UNC5D: variants seen among roughly 807,000 people sequenced by gnomAD.
The protein encoded by UNC5D is netrin receptor UNC5D.
Under a neutral mutation model 105.4 loss-of-function variants are expected in UNC5D, and 39 were observed. The observed-to-expected ratio is 0.37, with a 90% CI of 0.29 to 0.48. The LOEUF is 0.48. Ranked by LOEUF, UNC5D falls within the 20% of genes least tolerant of loss-of-function variation. The probability of loss-of-function intolerance (pLI) is 0.98; values close to 1 mark genes in which losing one functional copy is unlikely to be tolerated. For missense variants in UNC5D, 991 were observed against 1,202.4 expected (o/e 0.82, Z 2.60); for synonymous variants, 452 against 450.4 (o/e 1.00, Z -0.04).
chr8:35,726,500 TA>T lies in UNC5D; in HGVS notation c.1653del (p.Arg554AlafsTer2). On this transcript the variant is annotated frameshift_variant, in exon 10 of 17. Coordinates refer to ENST00000404895, the MANE Select transcript of UNC5D (RefSeq NM_080872.4). LOFTEE classifies it high-confidence loss of function. ...ELRTTGVFGH[L>X]GGRLVMPNTG... ...AGGACAACTGGTGTCTTTGGCCATT[TA>T]GGGGGGCGCTTAGTAATGCCAAATA... The T allele has an allele frequency of 6.2e-7, 1 of 1,613,564 alleles. No homozygotes were observed. Among genetic ancestry groups the T allele is most frequent in the Non-Finnish European group, 8.5e-7 (1 of 1,180,002 alleles).
At chr8:35,447,772 A>C (rs1021583991) in intron 1 of UNC5D, among the ~76,000 whole-genome samples, 32 of 152,068 alleles carry the variant, frequency 2.1e-4, no homozygotes, top group Non-Finnish European at 3.4e-4. Context: ...TTTATTATTC[A>C]TCCTCTACCC....
chr8:35,581,385 T>C (rs1308468127), intron 3 of UNC5D, among the ~76,000 whole-genome samples: 3 of 152,150 alleles, frequency 2.0e-5, no homozygotes, highest in Non-Finnish European at 4.4e-5. Flanking sequence ...ACACATCCAC[T>C]TGGATATCCA....
Position 35,794,902 on chromosome 8 carries a change from G to A in UNC5D, c.*4339G>A, listed in dbSNP as rs1193873502. On this transcript the variant is annotated 3_prime_UTR_variant, in exon 17 of 17. Coordinates refer to ENST00000404895, the MANE Select transcript of UNC5D (RefSeq NM_080872.4). ...GGATGGAAATCAGACCTGGCCGTTA[G>A]TCACTAGTGTGTAGTACCGTGATCT... The A allele has an allele frequency of 6.6e-6, 1 of 152,224 alleles. No homozygotes were observed. The highest frequency in any genetic ancestry group is 2.4e-5 in the African/African-American group (1 of 41,452). 9.4% of individuals were successfully genotyped at this position (152,224 alleles called of 1,614,324 possible).
At chr8:35,368,463 G>A (rs889139119) in intron 1 of UNC5D, among the ~76,000 whole-genome samples, 1 of 151,936 alleles carries the variant, frequency 6.6e-6, no homozygotes, top group African/African-American at 2.4e-5. Flanking sequence ...CCTGCTAAAA[G>A]CAAAGACATT....
intron 1 of UNC5D, among the ~76,000 whole-genome samples, chr8:35,296,887 A>G (rs746042049): frequency 6.6e-5 from 10 of 152,230 alleles, no homozygotes; most frequent in Non-Finnish European, 8.8e-5. Flanking sequence ...TTTATCCTAC[A>G]TTCTAAGGGC....
intron 1 of UNC5D, among the ~76,000 whole-genome samples, chr8:35,380,086 G>GT (rs1554519165): frequency 3.0e-4 from 15 of 50,046 alleles, no homozygotes; most frequent in Middle Eastern, 6.4e-3. Context: ...ATAATTGGGG[G>GT]TGGGGGGGGG....
At chr8:35,375,366 G>A (rs995122283) in intron 1 of UNC5D, among the ~76,000 whole-genome samples, 5 of 152,296 alleles carry the variant, frequency 3.3e-5, no homozygotes, top group Admixed American at 1.3e-4. Flanking sequence ...ATACTTACAG[G>A]TGCTGGGGAA....
intron 1 of UNC5D, among the ~76,000 whole-genome samples, chr8:35,284,894 C>T (rs1179420973): frequency 3.3e-5 from 5 of 152,120 alleles, no homozygotes; most frequent in Non-Finnish European, 5.9e-5. Context: ...CAAAATATTT[C>T]TCTCTCTGAG....
At chr8:35,275,117 A>G (rs1805684955) in intron 1 of UNC5D, among the ~76,000 whole-genome samples, 1 of 149,712 alleles carries the variant, frequency 6.7e-6, no homozygotes, top group South Asian at 2.1e-4. Flanking sequence ...ACAACAACAA[A>G]ATATATATTT....
chr8:35,595,737 G>GA, intron 4 of UNC5D, 80 bp downstream of exon 4: 1 of 1,304,750 alleles, frequency 7.7e-7, no homozygotes, highest in Non-Finnish European at 1.1e-6. Flanking sequence ...TGTGTGGCTG[G>GA]AAGGGAAGTA....
intron 1 of UNC5D, among the ~76,000 whole-genome samples, chr8:35,236,439 C>T (rs1237686451): frequency 3.8e-3 from 1 of 264 alleles, no homozygotes; most frequent in East Asian, 0.25. Context: ...TCCCAGCCAG[C>T]CCTGGAGCTC....
In UNC5D at chr8:35,774,388, C is replaced by T. The variant is rs768280429; in HGVS notation, c.2568C>T (p.Ser856=). 6.2e-7 allele frequency: 1 copy of T among 1,614,100 alleles called. No homozygotes were observed. Among genetic ancestry groups the T allele is most frequent in the Non-Finnish European group, 8.5e-7 (1 of 1,180,006 alleles). ...CCAAAGCCTTCAAAATTCCCTACTC[C>T]ATCAGACAGCGGATTTGTGCTACAT... ...TGPKAFKIPY[S]IRQRICATFD... is the part of the protein sequence containing the mutation. The change falls in exon 16 of 17, where the codon TCC becomes TCT. Residue 856 remains serine (S), a synonymous_variant. Coordinates refer to ENST00000404895, the MANE Select transcript of UNC5D (RefSeq NM_080872.4).
chr8:35,605,614 T>G (rs899201774), intron 4 of UNC5D, among the ~76,000 whole-genome samples: 2 of 152,172 alleles, frequency 1.3e-5, no homozygotes, highest in Admixed American at 6.5e-5. Flanking sequence ...ATTGCTGTCT[T>G]TTGTTTGTCT....
At chr8:35,693,736 T>G (rs985243060) in intron 7 of UNC5D, among the ~76,000 whole-genome samples, 1 of 152,148 alleles carries the variant, frequency 6.6e-6, no homozygotes, top group African/African-American at 2.4e-5. Flanking sequence ...ACCCACTTTT[T>G]CCCCCCAAGA....
intron 1 of UNC5D, among the ~76,000 whole-genome samples, chr8:35,396,491 A>C (rs938044048): frequency 2.6e-4 from 38 of 148,232 alleles, no homozygotes; most frequent in Middle Eastern, 3.3e-3. Flanking sequence ...GATGGCTTTT[A>C]TTTTCTTTTT....
At chr8:35,281,030 T>G (rs1806116493) in intron 1 of UNC5D, among the ~76,000 whole-genome samples, 1 of 152,172 alleles carries the variant, frequency 6.6e-6, no homozygotes, top group African/African-American at 2.4e-5. Context: ...GCACAAAGCC[T>G]TCTTTTTCTG....
intron 1 of UNC5D, among the ~76,000 whole-genome samples, chr8:35,284,568 T>C (rs996936334): frequency 6.6e-6 from 1 of 152,166 alleles, no homozygotes; most frequent in African/African-American, 2.4e-5. Context: ...TCTTTTCTTT[T>C]CTTTTTGACG....
intron 7 of UNC5D, among the ~76,000 whole-genome samples, chr8:35,695,331 G>A (rs1055470881): frequency 2.6e-5 from 4 of 152,066 alleles, no homozygotes; most frequent in Non-Finnish European, 4.4e-5. Flanking sequence ...GTCCCAACAC[G>A]TTCTAAAATC....
rs1007626089 is a variant in UNC5D at position 35,757,990 on chromosome 8, A to G, written c.2164-1330A>G. Among the ~76,000 whole-genome samples, 10 of 152,330 alleles carry G rather than the reference A, an allele frequency of 6.6e-5. No individual in the cohort carries two copies. The South Asian group carries it at 2.1e-3, about 32-fold the overall frequency. Reference sequence around the variant, plus strand: ...CACTCTAGCCACATTTCAAGTGCTAACAGCCACTTTAGCTAGTGGGTACCA... The same window carrying G: ...CACTCTAGCCACATTTCAAGTGCTAGCAGCCACTTTAGCTAGTGGGTACCA... On this transcript the variant is annotated intron_variant, in intron 13 of 16. Coordinates refer to ENST00000404895, the MANE Select transcript of UNC5D (RefSeq NM_080872.4).
Sources: gnomAD v4.1 joint callset for allele counts (sites outside exome capture counted in the v4.1 genomes callset) on GRCh38, gnomAD v4.1.1 for gene constraint, MANE v1.5 for transcripts, NCBI Gene and HGNC (gene_info 2026-07-23, HGNC 2026-07-21) for gene names.